The following EPHA6 variants were observed in gnomAD, a reference collection of about 807,000 sequenced individuals.
EPHA6 encodes the protein EPH receptor A6, also known as ephrin type-A receptor 6.
EPHA6 carries 50 observed loss-of-function variants against 112.0 expected under a neutral mutation model. The observed-to-expected ratio is 0.45, with a 90% CI of 0.36 to 0.56. The LOEUF (loss-of-function observed/expected upper bound fraction) is 0.56, where lower values mean the gene tolerates loss of function less well. Among genes scored for constraint, EPHA6 ranks in the 20% least tolerant of loss-of-function variants. EPHA6 has a pLI of 0.00. For synonymous variants in EPHA6, 529 were observed against 490.7 expected, an observed-to-expected ratio of 1.08 and a Z score of -1.03; for missense variants, 1,280 against 1,417.4, an observed-to-expected ratio of 0.90 and a Z score of 1.56.
chr3:97,507,873 C>T (rs778783711), intron 10 of EPHA6, among the ~76,000 whole-genome samples: 10 of 152,064 alleles, frequency 6.6e-5, no homozygotes, highest in Non-Finnish European at 1.5e-5. Flanking sequence ...TCGACTTCTT[C>T]CTGGTTTAGC....
intron 3 of EPHA6, among the ~76,000 whole-genome samples, chr3:97,033,937 G>A (rs2044980586): frequency 6.6e-6 from 1 of 151,896 alleles, no homozygotes; most frequent in Non-Finnish European, 1.5e-5. Flanking sequence ...TATTTTCTGA[G>A]AATTGTTCTG....
chr3:97,477,824 T>G (rs1483492467), intron 8 of EPHA6, among the ~76,000 whole-genome samples: 3 of 142,638 alleles, frequency 2.1e-5, no homozygotes, highest in African/African-American at 8.7e-5. Context: ...CCAGAAAGTT[T>G]ATTTAGTTTT....
intron 3 of EPHA6, among the ~76,000 whole-genome samples, chr3:97,147,661 A>G (rs1370963193): frequency 6.6e-6 from 1 of 152,144 alleles, no homozygotes; most frequent in African/African-American, 2.4e-5. Flanking sequence ...GAAAAACTAT[A>G]AAAACATTCA....
In EPHA6 at chr3:97,282,886, G is replaced by A. The variant is rs1203137629; in HGVS notation, c.1606+38599G>A. ...AGGATAAATAGCTAATGCATGCAGG[G>A]CTTAATATCTAGGTGATAGGTTGAT... On this transcript the variant is annotated intron_variant, in intron 5 of 17. Coordinates refer to ENST00000389672, the MANE Select transcript of EPHA6 (RefSeq NM_001080448.3). Among the ~76,000 whole-genome samples, 7 of 152,092 alleles carry A rather than the reference G, an allele frequency of 4.6e-5. No individual in the cohort carries two copies. In the East Asian group the frequency reaches 1.3e-3, roughly 29 times the overall value.
At chr3:97,248,854 A>G (rs1309173278) in intron 5 of EPHA6, among the ~76,000 whole-genome samples, 1 of 152,162 alleles carries the variant, frequency 6.6e-6, no homozygotes, top group Non-Finnish European at 1.5e-5. Flanking sequence ...TTTTAGAAAT[A>G]CAGTCTATTT....
At position 97,254,020 on chromosome 3, in the gene EPHA6, T is replaced by C. The variant is rs540057430; in HGVS notation, c.1606+9733T>C. On this transcript the variant is annotated intron_variant, in intron 5 of 17. Coordinates refer to ENST00000389672, the MANE Select transcript of EPHA6 (RefSeq NM_001080448.3). ...TGGAATAGGTTTCTCATTCTATTTTTATGAGAATAAATGTTTAATGTATTG... is the reference window on the plus strand; with the variant it reads ...TGGAATAGGTTTCTCATTCTATTTTCATGAGAATAAATGTTTAATGTATTG... Among the ~76,000 whole-genome samples the C allele has an allele frequency of 1.8e-4, 27 of 152,248 alleles. No individual in the cohort carries two copies. The South Asian group carries it at 5.6e-3, about 32-fold the overall frequency.
At position 97,742,973 on chromosome 3, in the gene EPHA6, A is replaced by C. The variant is rs567128804; in HGVS notation, c.3129-4450A>C. Among the ~76,000 whole-genome samples the C allele has an allele frequency of 1.3e-4, 20 of 152,264 alleles. No homozygotes were observed. The East Asian group carries it at 3.7e-3, about 28-fold the overall frequency. ...ATGTAAAAGCAGCCATATTGCATTA[A>C]GTCAATGTGCTGTTGTTGCTCTAGG... On this transcript the variant is annotated intron_variant, in intron 16 of 17. Transcript: ENST00000389672.
chr3:97,232,087 T>G (rs557064657), intron 4 of EPHA6, among the ~76,000 whole-genome samples: 19 of 152,226 alleles, frequency 1.2e-4, no homozygotes, highest in Non-Finnish European at 2.8e-4. Context: ...TTCAAAGAAC[T>G]CCACATGCCA....
rs1403900006 is a variant in EPHA6, at chr3:97,078,618, G to A, written c.1114+90625G>A. 4.6e-5 allele frequency among the ~76,000 whole-genome samples: 7 copies of A among 152,084 alleles called. No individual in the cohort carries two copies. The East Asian group carries it at 7.7e-4, about 17-fold the overall frequency. Reference sequence around the variant, plus strand: ...AGTTTCAGCTTTCTACATATGGCTGGCCAGTTTTCCCAGCACCAGTTATTA... The same window carrying A: ...AGTTTCAGCTTTCTACATATGGCTGACCAGTTTTCCCAGCACCAGTTATTA... On this transcript the variant is annotated intron_variant, in intron 3 of 17. Coordinates refer to ENST00000389672, the MANE Select transcript of EPHA6 (RefSeq NM_001080448.3).
At chr3:97,668,749 AC>A (rs2030431570) in intron 14 of EPHA6, among the ~76,000 whole-genome samples, 1 of 151,608 alleles carries the variant, frequency 6.6e-6, no homozygotes, top group African/African-American at 2.4e-5. Context: ...ACCTGTCTCT[AC>A]TAAAAATACA....
intron 15 of EPHA6, among the ~76,000 whole-genome samples, chr3:97,728,107 C>A (rs775497333): frequency 2.6e-5 from 4 of 151,846 alleles, no homozygotes; most frequent in Non-Finnish European, 5.9e-5. Context: ...CTCTTTGGAG[C>A]CTTTACAAAG....
intron 5 of EPHA6, among the ~76,000 whole-genome samples, chr3:97,254,092 G>A (rs2079227425): frequency 6.6e-6 from 1 of 151,712 alleles, no homozygotes; most frequent in Non-Finnish European, 1.5e-5. Flanking sequence ...TTTTTTAGCT[G>A]TTTTACAAAA....
chr3:96,914,071 C>T (rs115699675), intron 2 of EPHA6, among the ~76,000 whole-genome samples: 53 of 152,142 alleles, frequency 3.5e-4, no homozygotes, highest in South Asian at 6.2e-4. Context: ...TATTTTTCAT[C>T]GTATATGGAT....
At chr3:97,641,772 C>G (rs2094007729) in intron 14 of EPHA6, among the ~76,000 whole-genome samples, 1 of 152,246 alleles carries the variant, frequency 6.6e-6, no homozygotes, top group Non-Finnish European at 1.5e-5. Flanking sequence ...TATCCCACAC[C>G]TGGCTCAGAG....
At chr3:97,127,870 G>GTTT (rs759063632) in intron 3 of EPHA6, among the ~76,000 whole-genome samples, 1 of 147,436 alleles carries the variant, frequency 6.8e-6, no homozygotes. Context: ...ATATTCTTTA[G>GTTT]TTTTTTTTTT....
At chr3:97,443,210 GGAGA>G (rs1560014613) in intron 6 of EPHA6, among the ~76,000 whole-genome samples, 1 of 151,904 alleles carries the variant, frequency 6.6e-6, no homozygotes, top group Non-Finnish European at 1.5e-5. Flanking sequence ...AAACAGAAAC[GGAGA>G]GAGAAAGGAT....
chr3:96,935,528 CATATT>C (rs1233608430), intron 2 of EPHA6, among the ~76,000 whole-genome samples: 1 of 149,516 alleles, frequency 6.7e-6, no homozygotes, highest in Non-Finnish European at 1.5e-5. Context: ...TTTAAAAGAC[CATATT>C]ATATTTAAAC....
chr3:97,384,882 A>C (rs2085968680), intron 5 of EPHA6, among the ~76,000 whole-genome samples: 1 of 152,188 alleles, frequency 6.6e-6, no homozygotes, highest in South Asian at 2.1e-4. Context: ...AAGTTTGGTA[A>C]ATAAAGTACT....
intron 11 of EPHA6, among the ~76,000 whole-genome samples, chr3:97,581,245 T>C (rs575092955): frequency 7.2e-4 from 110 of 152,366 alleles, no homozygotes; most frequent in African/African-American, 2.5e-3. Flanking sequence ...AGAAAGACTA[T>C]ATGAGATATC....
Sources: gnomAD v4.1 joint callset for allele counts (sites outside exome capture counted in the v4.1 genomes callset) on GRCh38, gnomAD v4.1.1 for gene constraint, MANE v1.5 for transcripts, NCBI Gene and HGNC (gene_info 2026-07-23, HGNC 2026-07-21) for gene names.